The following FSTL4 variants were observed in gnomAD, a reference collection of about 807,000 sequenced individuals.
FSTL4 encodes the protein follistatin like 4, also known as follistatin-related protein 4.
Under a neutral mutation model 78.2 loss-of-function variants are expected in FSTL4, and 28 were observed. That is an observed-to-expected ratio of 0.36 (90% CI 0.27 to 0.49). The LOEUF (loss-of-function observed/expected upper bound fraction) is 0.49. Ranked by LOEUF, FSTL4 falls within the 20% of genes least tolerant of loss-of-function variation. The pLI, the probability that FSTL4 is intolerant of heterozygous loss-of-function variation, is 0.98. For missense variants in FSTL4, 922 were observed against 1,084.9 expected, an observed-to-expected ratio of 0.85 and a Z score of 2.11; for synonymous variants, 422 against 440.5, an observed-to-expected ratio of 0.96 and a Z score of 0.53.
At chr5:133,472,739 T>C (rs977249861) in intron 3 of FSTL4, among the ~76,000 whole-genome samples, 1 of 152,220 alleles carries the variant, frequency 6.6e-6, no homozygotes, top group African/African-American at 2.4e-5. Context: ...AATCAGCTTA[T>C]AGACAAATGA....
chr5:133,747,021 G>A, the FSTL4 span, among the ~76,000 whole-genome samples: 1 of 152,172 alleles, frequency 6.6e-6, no homozygotes, highest in Non-Finnish European at 1.5e-5. Context: ...CTGGCCACCA[G>A]GGGCACTGTG....
intron 3 of FSTL4, among the ~76,000 whole-genome samples, chr5:133,516,018 C>T (rs1758844271): frequency 6.6e-6 from 1 of 151,798 alleles, no homozygotes; most frequent in South Asian, 2.1e-4. Context: ...GTAAAGAATA[C>T]CAAATCAAAC....
chr5:133,710,430 C>T, the FSTL4 span, among the ~76,000 whole-genome samples: 11 of 152,124 alleles, frequency 7.2e-5, no homozygotes, highest in Non-Finnish European at 1.5e-4. Context: ...TCAGTAGTAC[C>T]CCCTGTCACT....
intron 4 of FSTL4, among the ~76,000 whole-genome samples, chr5:133,398,125 G>C (rs1261238092): frequency 7.9e-5 from 12 of 152,104 alleles, no homozygotes; most frequent in Non-Finnish European, 1.6e-4. Flanking sequence ...CCATGGTTCT[G>C]GTGAAGGTGA....
intron 8 of FSTL4, among the ~76,000 whole-genome samples, chr5:133,231,696 C>T (rs1476928594): frequency 1.3e-5 from 2 of 152,260 alleles, no homozygotes; most frequent in East Asian, 3.9e-4. Flanking sequence ...GCACGTGCCA[C>T]CACACATGGC....
Position 133,502,532 on chromosome 5 carries a change from T to C in FSTL4, c.160+64654A>G, listed in dbSNP as rs140820640. Among the ~76,000 whole-genome samples, 164 of 152,220 alleles carry C rather than the reference T, an allele frequency of 1.1e-3. 1 individual carries two copies. Among genetic ancestry groups the C allele is most frequent in the South Asian group, 5.4e-3 (26 of 4,826 alleles). On this transcript the variant is annotated intron_variant, in intron 3 of 15. Transcript: ENST00000265342. Reference sequence around the variant, plus strand: ...GGAGGTGGGGCCTGGTGGGAGGCAATTGGATCATGGGGGCAGAGTTCTCAT... The same window carrying C: ...GGAGGTGGGGCCTGGTGGGAGGCAACTGGATCATGGGGGCAGAGTTCTCAT...
At chr5:133,290,322 T>C (rs1004879491) in intron 6 of FSTL4, among the ~76,000 whole-genome samples, 2 of 152,238 alleles carry the variant, frequency 1.3e-5, no homozygotes, top group African/African-American at 4.8e-5. Flanking sequence ...TGCCTGCACC[T>C]CTGCTGATGC....
At chr5:133,705,865 ACACG>A in the FSTL4 span, among the ~76,000 whole-genome samples, 2 of 133,038 alleles carry the variant, frequency 1.5e-5, no homozygotes, top group African/African-American at 6.5e-5. Flanking sequence ...GCGCACACAC[ACACG>A]CACACACACA....
the FSTL4 span, among the ~76,000 whole-genome samples, chr5:133,812,110 C>T: frequency 2.0e-5 from 3 of 152,180 alleles, no homozygotes; most frequent in African/African-American, 7.2e-5. Flanking sequence ...TATTCCACAG[C>T]CGAATAATCA....
At chr5:133,572,897 T>C (rs1760190500) in intron 2 of FSTL4, among the ~76,000 whole-genome samples, 2 of 152,252 alleles carry the variant, frequency 1.3e-5, no homozygotes, top group South Asian at 2.1e-4. Context: ...AGAGAAAACA[T>C]GGGTTTATAT....
Position 133,588,224 on chromosome 5 carries a change from G to A in FSTL4, c.126+15634C>T, listed in dbSNP as rs1191910514. ...CATTACCTTTCAGGACATAGGCGTG[G>A]GCAAGGACTTCATGTCCAAAACACC... On this transcript the variant is annotated intron_variant, in intron 2 of 15. Transcript: ENST00000265342. Among the ~76,000 whole-genome samples the A allele has an allele frequency of 1.1e-3, 122 of 111,494 alleles. 1 individual carries two copies. The highest frequency in any genetic ancestry group is 3.3e-3 in the African/African-American group (115 of 34,752). 73.1% of individuals were successfully genotyped at this position (111,494 alleles called of 152,430 possible).
chr5:133,709,416 T>C, the FSTL4 span, among the ~76,000 whole-genome samples: 5 of 152,260 alleles, frequency 3.3e-5, no homozygotes, highest in African/African-American at 1.2e-4. Flanking sequence ...AGGACTGGCT[T>C]CACTTATTCT....
At chr5:133,424,605 G>T (rs750841420) in intron 3 of FSTL4, among the ~76,000 whole-genome samples, 2 of 152,186 alleles carry the variant, frequency 1.3e-5, no homozygotes, top group Non-Finnish European at 2.9e-5. Context: ...AAGCACTACA[G>T]GAATACGTGA....
chr5:133,232,040 G>C (rs1300842526), intron 8 of FSTL4, among the ~76,000 whole-genome samples: 1 of 152,186 alleles, frequency 6.6e-6, no homozygotes, highest in Non-Finnish European at 1.5e-5. Context: ...GGAATGAATC[G>C]CTACTTGTCT....
At chr5:133,551,071 G>A (rs1759682788) in intron 3 of FSTL4, among the ~76,000 whole-genome samples, 1 of 152,032 alleles carries the variant, frequency 6.6e-6, no homozygotes, top group South Asian at 2.1e-4. Context: ...CTATTACTTA[G>A]AACATGTTTC....
intron 12 of FSTL4, among the ~76,000 whole-genome samples, chr5:133,217,896 T>C (rs1750966574): frequency 6.6e-6 from 1 of 152,186 alleles, no homozygotes; most frequent in Non-Finnish European, 1.5e-5. Context: ...CTCTGCTCAG[T>C]GTGCTGATCT....
At chr5:133,604,324 A>G (rs1760930441) in intron 1 of FSTL4, among the ~76,000 whole-genome samples, 1 of 152,206 alleles carries the variant, frequency 6.6e-6, no homozygotes, top group African/African-American at 2.4e-5. Context: ...AGGGTGAGGC[A>G]GGTGGGTCAC....
chr5:133,795,097 G>A, the FSTL4 span, among the ~76,000 whole-genome samples: 1 of 152,242 alleles, frequency 6.6e-6, no homozygotes, highest in Non-Finnish European at 1.5e-5. Context: ...GCAGCTGCAG[G>A]TGATTGGGGA....
At chr5:133,549,997 T>C (rs1759659942) in intron 3 of FSTL4, among the ~76,000 whole-genome samples, 2 of 152,198 alleles carry the variant, frequency 1.3e-5, no homozygotes, top group Admixed American at 1.3e-4. Flanking sequence ...CAGACTGATC[T>C]GCCCTAGGCT....
Sources: allele counts gnomAD v4.1 joint callset (sites outside exome capture counted in the v4.1 genomes callset), GRCh38; gene constraint gnomAD v4.1.1; transcripts MANE v1.5; gene names NCBI Gene and HGNC (gene_info 2026-07-23, HGNC 2026-07-21).